Variants in LRP1B observed in about 807,000 individuals in gnomAD.
LRP1B encodes low-density lipoprotein receptor-related protein 1B.
LRP1B carries 217 observed loss-of-function variants against 556.6 expected under a neutral mutation model. The observed-to-expected ratio is 0.39, with a 90% CI of 0.35 to 0.44. LRP1B has a LOEUF of 0.44. Ranked by LOEUF, LRP1B falls within the 20% of genes least tolerant of loss-of-function variation. The pLI is 1.00. For missense variants in LRP1B, 5,053 were observed against 5,620.8 expected (o/e 0.90, Z 3.23); for synonymous variants, 2,047 against 1,865.8 (o/e 1.10, Z -2.50).
chr2:141,361,771 G>T (rs1311496912), intron 3 of LRP1B, among the ~76,000 whole-genome samples: 1 of 152,166 alleles, frequency 6.6e-6, no homozygotes, highest in African/African-American at 2.4e-5. Context: ...CAGTCCTTCA[G>T]AAAAGTCTAT....
chr2:142,073,981 CTCTTT>C (rs1434657516), intron 1 of LRP1B, among the ~76,000 whole-genome samples: 9 of 152,120 alleles, frequency 5.9e-5, no homozygotes, highest in Admixed American at 2.6e-4. Context: ...CCAATTAAAT[CTCTTT>C]TATTTTTAAT....
chr2:141,436,916 T>A (rs1382105904), intron 3 of LRP1B, among the ~76,000 whole-genome samples: 1 of 152,132 alleles, frequency 6.6e-6, no homozygotes, highest in African/African-American at 2.4e-5. Context: ...GAAAAGCACC[T>A]TTTGGATGAG....
intron 1 of LRP1B, among the ~76,000 whole-genome samples, chr2:142,061,374 A>G (rs1250064191): frequency 6.6e-6 from 1 of 152,026 alleles, no homozygotes; most frequent in Non-Finnish European, 1.5e-5. Context: ...AGACCTTTCA[A>G]GTCTGTTCCG....
At position 141,741,263 on chromosome 2, in the gene LRP1B, C is replaced by CTTTTTTTTTT. The variant is rs11326947; in HGVS notation, c.205+69006_205+69015dup. Among the ~76,000 whole-genome samples the CTTTTTTTTTT allele has an allele frequency of 7.2e-4, 42 of 57,990 alleles. 1 individual carries two copies. Among genetic ancestry groups the CTTTTTTTTTT allele is most frequent in the African/African-American group, 8.9e-4 (12 of 13,522 alleles). The allele number at this position is 57,990 out of a possible 152,430, so 38.0% of individuals were successfully genotyped here. On this transcript the variant is annotated intron_variant, in intron 2 of 90. Coordinates refer to ENST00000389484, the MANE Select transcript of LRP1B (RefSeq NM_018557.3). The stretch of plus-strand genomic sequence containing the variant: ...GTTATCTCTTCAGTATACTGATTTC[C>CTTTTTTTTTT]TTTTTTTTTTTTTTTTTTTTTTTTT...
intron 63 of LRP1B, among the ~76,000 whole-genome samples, chr2:140,445,584 C>A (rs930361635): frequency 6.7e-6 from 1 of 148,328 alleles, no homozygotes; most frequent in Non-Finnish European, 1.5e-5. Context: ...ACAAATGACT[C>A]CCAAGTGATA....
chr2:142,041,405 AG>A (rs1461968223), intron 1 of LRP1B, among the ~76,000 whole-genome samples: 1 of 151,510 alleles, frequency 6.6e-6, no homozygotes, highest in Non-Finnish European at 1.5e-5. Context: ...AGAGGTGTAA[AG>A]AAAAGCAGTT....
intron 25 of LRP1B, among the ~76,000 whole-genome samples, chr2:140,877,198 T>C (rs1229484362): frequency 6.6e-6 from 1 of 152,158 alleles, no homozygotes; most frequent in Non-Finnish European, 1.5e-5. Flanking sequence ...AAGCCACATA[T>C]ATAAACGACT....
chr2:141,974,929 CT>C (rs1257493019), intron 1 of LRP1B, among the ~76,000 whole-genome samples: 4 of 152,036 alleles, frequency 2.6e-5, no homozygotes, highest in African/African-American at 9.7e-5. Context: ...TGTTTTCCCC[CT>C]CTTTATACAT....
intron 7 of LRP1B, among the ~76,000 whole-genome samples, chr2:141,074,707 A>T (rs1443068010): frequency 6.0e-5 from 9 of 151,210 alleles, no homozygotes; most frequent in Non-Finnish European, 1.2e-4. Flanking sequence ...GAATCATAAG[A>T]TATAAGACTC....
At chr2:140,861,906 C>T (rs755681605) in intron 27 of LRP1B, among the ~76,000 whole-genome samples, 29 of 152,196 alleles carry the variant, frequency 1.9e-4, no homozygotes, top group Non-Finnish European at 3.8e-4. Context: ...CGCATGCACA[C>T]GCTTTCTCTT....
intron 43 of LRP1B, among the ~76,000 whole-genome samples, chr2:140,563,199 C>T (rs1179479861): frequency 6.6e-6 from 1 of 151,934 alleles, no homozygotes. Context: ...CCCACACACA[C>T]AAACACACAC....
chr2:141,096,920 G>T (rs1314291090), intron 7 of LRP1B, among the ~76,000 whole-genome samples: 1 of 152,132 alleles, frequency 6.6e-6, no homozygotes, highest in Non-Finnish European at 1.5e-5. Context: ...AGAGATTAAA[G>T]TTGGTCCTGC....
intron 43 of LRP1B, among the ~76,000 whole-genome samples, chr2:140,584,331 G>A (rs981633455): frequency 2.6e-5 from 4 of 151,632 alleles, no homozygotes; most frequent in African/African-American, 9.7e-5. Flanking sequence ...AAGCTTATTT[G>A]TATGCTTCTC....
At chr2:140,282,178 C>T (rs1243053882) in intron 84 of LRP1B, among the ~76,000 whole-genome samples, 1 of 151,810 alleles carries the variant, frequency 6.6e-6, no homozygotes, top group Non-Finnish European at 1.5e-5. Flanking sequence ...CTTCCTCACC[C>T]ACCAATTTCC....
chr2:140,428,336 C>T (rs2105278242), intron 66 of LRP1B, among the ~76,000 whole-genome samples: 1 of 152,292 alleles, frequency 6.6e-6, no homozygotes, highest in East Asian at 1.9e-4. Flanking sequence ...GCCACATCTC[C>T]AGCACACAAG....
chr2:141,451,749 C>T (rs1286934723), intron 3 of LRP1B, among the ~76,000 whole-genome samples: 2 of 149,146 alleles, frequency 1.3e-5, no homozygotes, highest in Non-Finnish European at 2.9e-5. Context: ...TAAAAAATTA[C>T]TTAATTATCC....
intron 2 of LRP1B, among the ~76,000 whole-genome samples, chr2:141,646,209 A>C (rs1689558048): frequency 6.6e-6 from 1 of 152,182 alleles, no homozygotes; most frequent in Admixed American, 6.6e-5. Context: ...TCATTTTGTC[A>C]AATTTAAAAG....
chr2:140,334,004 A>C (rs78267554), intron 79 of LRP1B, among the ~76,000 whole-genome samples: 1 of 147,460 alleles, frequency 6.8e-6, no homozygotes, highest in Non-Finnish European at 1.5e-5. Context: ...GGCAAAAAAA[A>C]CAAAACAAAA....
At chr2:140,726,452 A>G (rs1687597026) in intron 35 of LRP1B, among the ~76,000 whole-genome samples, 2 of 152,234 alleles carry the variant, frequency 1.3e-5, no homozygotes, top group Non-Finnish European at 2.9e-5. Context: ...CAGCTCATCC[A>G]GAGATTACTT....
Sources: allele counts gnomAD v4.1 joint callset (sites outside exome capture counted in the v4.1 genomes callset), GRCh38; gene constraint gnomAD v4.1.1; transcripts MANE v1.5; gene names NCBI Gene and HGNC (gene_info 2026-07-23, HGNC 2026-07-21).